Variants in CRACD observed in about 807,000 individuals in gnomAD.
The protein encoded by CRACD is capping protein inhibiting regulator of actin dynamics, also known as capping protein-inhibiting regulator of actin dynamics.
In CRACD, 56 loss-of-function variants were observed where a neutral mutation model predicts 106.8. The ratio of observed to expected loss-of-function variants is 0.52; its 90% CI spans 0.42 to 0.66. CRACD has a LOEUF of 0.66. CRACD is among the 30% of genes least tolerant of loss of function. The pLI is 0.00. For missense variants in CRACD, 1,730 were observed against 1,623.2 expected, an observed-to-expected ratio of 1.07 and a Z score of -1.13; for synonymous variants, 754 against 670.8, an observed-to-expected ratio of 1.12 and a Z score of -1.92.
intron 1 of CRACD, among the ~76,000 whole-genome samples, chr4:56,072,094 C>G (rs867655892): frequency 3.4e-5 from 5 of 147,620 alleles, no homozygotes; most frequent in African/African-American, 1.0e-4. Flanking sequence ...CGCCACTGCA[C>G]TCCAGCCTGG....
intron 2 of CRACD, among the ~76,000 whole-genome samples, chr4:56,217,393 A>G (rs1358370189): frequency 1.4e-5 from 2 of 140,470 alleles, no homozygotes; most frequent in Non-Finnish European, 1.6e-5. Flanking sequence ...CAATCAATAC[A>G]TGTAAAAGTA....
chr4:56,159,724 T>C (rs1394438853), intron 1 of CRACD, among the ~76,000 whole-genome samples: 8 of 152,176 alleles, frequency 5.3e-5, no homozygotes, highest in African/African-American at 1.9e-4. Flanking sequence ...TCCTACATAG[T>C]ACCTACAGTC....
chr4:56,185,624 T>A (rs961498538), intron 2 of CRACD, among the ~76,000 whole-genome samples: 1 of 152,216 alleles, frequency 6.6e-6, no homozygotes, highest in East Asian at 1.9e-4. Context: ...AACACCTGCT[T>A]CGCTTTAGTT....
intron 1 of CRACD, among the ~76,000 whole-genome samples, chr4:56,162,202 A>C (rs11944887): frequency 6.6e-6 from 1 of 150,408 alleles, no homozygotes; most frequent in Non-Finnish European, 1.5e-5. Flanking sequence ...AATTATTATT[A>C]TTTTTTTTTA....
At chr4:56,320,545 C>T (rs1249613632) in intron 8 of CRACD, among the ~76,000 whole-genome samples, 2 of 152,198 alleles carry the variant, frequency 1.3e-5, no homozygotes, top group Non-Finnish European at 2.9e-5. Context: ...TTATTTGCAT[C>T]GTCTCCTTCG....
In CRACD at chr4:56,127,974, G is replaced by T. The variant is rs78635718; in HGVS notation, c.-335-51310G>T. On this transcript the variant is annotated intron_variant, in intron 1 of 10. Transcript: ENST00000682029. ...TGCATTGTCCTTAGTATCACAATGG[G>T]TGGAAGGGGAAAATATGACTGTTTT... 8.4e-3 allele frequency among the ~76,000 whole-genome samples: 1,284 copies of T among 152,278 alleles called. 9 individuals carry two copies. The highest frequency in any genetic ancestry group is 0.029 in the African/African-American group (1,224 of 41,544).
intron 1 of CRACD, among the ~76,000 whole-genome samples, chr4:56,069,049 T>C (rs1397140200): frequency 6.6e-6 from 1 of 151,998 alleles, no homozygotes; most frequent in African/African-American, 2.4e-5. Flanking sequence ...GAGGCAGGGA[T>C]TGGAGTGATG....
At chr4:56,116,476 G>C (rs1734284126) in intron 1 of CRACD, among the ~76,000 whole-genome samples, 1 of 152,152 alleles carries the variant, frequency 6.6e-6, no homozygotes, top group South Asian at 2.1e-4. Context: ...ACTGCACCAT[G>C]ATGATTATAT....
intron 2 of CRACD, among the ~76,000 whole-genome samples, chr4:56,186,028 G>A (rs1266691420): frequency 1.3e-5 from 2 of 152,168 alleles, no homozygotes; most frequent in Non-Finnish European, 2.9e-5. Flanking sequence ...TGAAATAGAG[G>A]CTGCTCCGGG....
chr4:56,107,348 C>T (rs1017042764), intron 1 of CRACD, among the ~76,000 whole-genome samples: 2 of 152,154 alleles, frequency 1.3e-5, no homozygotes, highest in Non-Finnish European at 2.9e-5. Flanking sequence ...CATGTTCCCC[C>T]TCTGTGTAAT....
chr4:56,257,465 A>AT (rs1741432709), intron 2 of CRACD, among the ~76,000 whole-genome samples: 1 of 147,302 alleles, frequency 6.8e-6, no homozygotes, highest in Admixed American at 6.8e-5. Flanking sequence ...AGGCAGGAGG[A>AT]TTGCTTGCAC....
rs765464677 is a variant in CRACD, at chr4:56,314,435, C to G, written c.933C>G (p.Arg311=). 6 of 1,477,308 alleles carry G rather than the reference C, an allele frequency of 4.1e-6. No individual in the cohort carries two copies. Among genetic ancestry groups the G allele is most frequent in the Admixed American group, 2.3e-5 (1 of 44,428 alleles). 91.5% of individuals were successfully genotyped at this position (1,477,308 alleles called of 1,614,324 possible). ...EDAERREREE[R]ERLEAEEERR... ...CGGAGCGGAGGGAGCGTGAGGAGCGCGAGCGCCTGGAGGCGGAGGAGGAGC... is the reference window on the plus strand; with the variant it reads ...CGGAGCGGAGGGAGCGTGAGGAGCGGGAGCGCCTGGAGGCGGAGGAGGAGC... Residue 311 remains arginine (R), a synonymous_variant, in exon 8 of 11, where the codon CGC becomes CGG. Coordinates refer to ENST00000682029, the MANE Select transcript of CRACD (RefSeq NM_001393381.1). The surrounding 1 kb of genome is among the most constrained non-coding windows in gnomAD (Gnocchi z 4.4).
chr4:56,138,751 T>C (rs2109874363), intron 1 of CRACD, among the ~76,000 whole-genome samples: 1 of 152,324 alleles, frequency 6.6e-6, no homozygotes, highest in East Asian at 1.9e-4. Context: ...GAAAAGGTTT[T>C]ATGACCCTAC....
chr4:56,177,454 G>T (rs1325933556), intron 1 of CRACD, among the ~76,000 whole-genome samples: 1 of 152,118 alleles, frequency 6.6e-6, no homozygotes, highest in Non-Finnish European at 1.5e-5. Context: ...GTTGACTGTG[G>T]TTTGATGGTA....
intron 8 of CRACD, among the ~76,000 whole-genome samples, chr4:56,322,180 C>T (rs1008702201): frequency 6.6e-6 from 1 of 152,184 alleles, no homozygotes; most frequent in African/African-American, 2.4e-5. Flanking sequence ...CATATAAGAA[C>T]AGCTCACTTT....
chr4:56,130,021 C>T (rs1734776057), intron 1 of CRACD, among the ~76,000 whole-genome samples: 1 of 152,148 alleles, frequency 6.6e-6, no homozygotes, highest in African/African-American at 2.4e-5. Context: ...TATGTGTAGT[C>T]ATGGCACTTT....
chr4:56,296,093 G>A (rs1038827397), intron 3 of CRACD, among the ~76,000 whole-genome samples: 8 of 152,186 alleles, frequency 5.3e-5, no homozygotes, highest in South Asian at 4.1e-4. Flanking sequence ...CATCTGCACC[G>A]TCTTCCTCTC....
At chr4:56,171,744 ATAG>A (rs1290510573) in intron 1 of CRACD, among the ~76,000 whole-genome samples, 1 of 152,200 alleles carries the variant, frequency 6.6e-6, no homozygotes, top group African/African-American at 2.4e-5. Flanking sequence ...GTGCAGACAA[ATAG>A]TAGAAAATTA....
chr4:56,154,293 C>G lies in CRACD; in HGVS notation c.-335-24991C>G, dbSNP rs190116583. Among the ~76,000 whole-genome samples the G allele has an allele frequency of 2.6e-3, 391 of 151,806 alleles. 5 individuals are homozygous for G. In the East Asian group the frequency reaches 0.047, roughly 18 times the overall value. ...ACCAGGCTGGGTAACATGGCGAAAC[C>G]CGTGTCTACCAAAAATACAAAAATT... On this transcript the variant is annotated intron_variant, in intron 1 of 10. Coordinates refer to ENST00000682029, the MANE Select transcript of CRACD (RefSeq NM_001393381.1).
Sources: allele counts gnomAD v4.1 joint callset (sites outside exome capture counted in the v4.1 genomes callset), GRCh38; gene constraint gnomAD v4.1.1; non-coding constraint Gnocchi (gnomAD v3.1); transcripts MANE v1.5; gene names NCBI Gene and HGNC (gene_info 2026-07-23, HGNC 2026-07-21).